The following CDH6 variants were observed in gnomAD, a reference collection of about 807,000 sequenced individuals.
CDH6 encodes the protein cadherin-6.
In CDH6, 31 loss-of-function variants were observed where a neutral mutation model predicts 78.0. That is an observed-to-expected ratio of 0.40 (90% CI 0.30 to 0.54). The LOEUF (loss-of-function observed/expected upper bound fraction) is 0.54, where lower values mean the gene tolerates loss of function less well. Among genes scored for constraint, CDH6 ranks in the 20% least tolerant of loss-of-function variants. The pLI is 0.56. For missense variants in CDH6, 724 were observed against 975.9 expected (o/e 0.74, Z 3.44); for synonymous variants, 376 against 368.8 (o/e 1.02, Z -0.23).
intron 3 of CDH6, 57 bp from the exon 4 acceptor site, chr5:31,297,232 G>T: frequency 1.3e-6 from 2 of 1,502,608 alleles, no homozygotes; most frequent in Non-Finnish European, 1.9e-6. Flanking sequence ...TTTGGTGTGT[G>T]TCAAAGATTG....
intron 7 of CDH6, among the ~76,000 whole-genome samples, chr5:31,308,592 C>T (rs1048414811): frequency 1.3e-5 from 2 of 152,004 alleles, no homozygotes; most frequent in East Asian, 1.9e-4. Context: ...AACAAACAAG[C>T]AAGGCTTGTG....
rs1738529704 is a variant in CDH6, at chr5:31,323,436, T to C, written c.*128T>C. On this transcript the variant is annotated 3_prime_UTR_variant, in exon 12 of 12. Coordinates refer to ENST00000265071, the MANE Select transcript of CDH6 (RefSeq NM_004932.4). Reference sequence around the variant, plus strand: ...TCCAAAAGCCAATGGCTGCAGTCCGTGTGGATCCAATGTTAGAGACTTTTT... The same window carrying C: ...TCCAAAAGCCAATGGCTGCAGTCCGCGTGGATCCAATGTTAGAGACTTTTT... The C allele has an allele frequency of 9.1e-7, 1 of 1,095,280 alleles. No individual in the cohort carries two copies. Among genetic ancestry groups the C allele is most frequent in the East Asian group, 2.4e-5 (1 of 41,216 alleles). The allele number at this position is 1,095,280 out of a possible 1,614,324, so 67.8% of individuals were successfully genotyped here.
At chr5:31,317,049 T>G (rs1051810201) in intron 9 of CDH6, among the ~76,000 whole-genome samples, 8 of 152,168 alleles carry the variant, frequency 5.3e-5, no homozygotes, top group Admixed American at 3.3e-4. Context: ...CAGGGTGATT[T>G]CCTCCCTGGG....
chr5:31,283,894 A>G (rs1742938253), intron 2 of CDH6, among the ~76,000 whole-genome samples: 1 of 151,804 alleles, frequency 6.6e-6, no homozygotes, highest in Admixed American at 6.6e-5. Flanking sequence ...AGTTCACTGC[A>G]ACCTCCGCCT....
At chr5:31,248,621 A>T (rs1741822829) in intron 1 of CDH6, among the ~76,000 whole-genome samples, 1 of 152,194 alleles carries the variant, frequency 6.6e-6, no homozygotes, top group African/African-American at 2.4e-5. Flanking sequence ...GGTGGCTAAC[A>T]AGTTGTACTG....
intron 2 of CDH6, among the ~76,000 whole-genome samples, chr5:31,282,567 G>T (rs758726276): frequency 1.3e-5 from 2 of 152,144 alleles, no homozygotes; most frequent in Non-Finnish European, 2.9e-5. Context: ...TTGATCACAT[G>T]TGTAAAGTTC....
intron 2 of CDH6, among the ~76,000 whole-genome samples, chr5:31,284,789 C>T (rs895557241): frequency 2.0e-5 from 3 of 152,200 alleles, no homozygotes; most frequent in African/African-American, 7.2e-5. Context: ...GAGATATTCT[C>T]TAGAGACCAG....
chr5:31,239,123 T>C (rs72749661), intron 1 of CDH6, among the ~76,000 whole-genome samples: 3,198 of 152,282 alleles, frequency 0.021, 41 homozygotes, highest in Middle Eastern at 0.034. Flanking sequence ...GGGCATCATA[T>C]GGTAGATACA....
In CDH6 at chr5:31,317,932, G is replaced by C. The variant is rs750611604; in HGVS notation, c.1882+8G>C. ...GCATCGTGATCCTACTAGGTAAACT[G>C]GTTCTCCCTGCCTCCTATCTCCCCA... On this transcript the variant is annotated splice_region_variant and intron_variant, in intron 11 of 11. Coordinates refer to ENST00000265071, the MANE Select transcript of CDH6 (RefSeq NM_004932.4). 6.2e-7 allele frequency: 1 copy of C among 1,611,250 alleles called. No homozygotes were observed. The highest frequency in any genetic ancestry group is 2.2e-5 in the East Asian group (1 of 44,864).
At chr5:31,230,353 G>A (rs1008218109) in intron 1 of CDH6, among the ~76,000 whole-genome samples, 1 of 152,146 alleles carries the variant, frequency 6.6e-6, no homozygotes, top group Admixed American at 6.5e-5. Context: ...ACCATCACAG[G>A]CAGAGAATAT....
At chr5:31,302,391 T>C in intron 6 of CDH6, 93 bp downstream of exon 6, 3 of 902,256 alleles carry the variant, frequency 3.3e-6, no homozygotes, top group Non-Finnish European at 5.0e-6. Flanking sequence ...CACATAAACA[T>C]TCCTTTAGAT....
chr5:31,296,375 G>A (rs974090929), intron 3 of CDH6, among the ~76,000 whole-genome samples: 2 of 152,156 alleles, frequency 1.3e-5, no homozygotes, highest in Admixed American at 6.5e-5. Context: ...GAAAATTTAT[G>A]TGGAATTTCA....
intron 1 of CDH6, among the ~76,000 whole-genome samples, chr5:31,228,794 T>A (rs1335340288): frequency 6.6e-6 from 1 of 152,222 alleles, no homozygotes; most frequent in Non-Finnish European, 1.5e-5. Context: ...CTGGTTCACC[T>A]GCCACTCACC....
intron 1 of CDH6, among the ~76,000 whole-genome samples, chr5:31,267,061 G>C (rs934089698): frequency 6.6e-6 from 1 of 152,156 alleles, no homozygotes; most frequent in African/African-American, 2.4e-5. Flanking sequence ...AGGTAAAAGA[G>C]TAGCGCAATA....
At chr5:31,210,076 T>TTGTG (rs60543109) in intron 1 of CDH6, among the ~76,000 whole-genome samples, 89,627 of 146,406 alleles carry the variant, frequency 0.61, 29,053 homozygotes, top group Non-Finnish European at 0.73. Flanking sequence ...TTTTCTTAAA[T>TTGTG]TGTGTGTGTG....
chr5:31,261,630 C>A (rs1742214960), intron 1 of CDH6, among the ~76,000 whole-genome samples: 1 of 152,124 alleles, frequency 6.6e-6, no homozygotes, highest in African/African-American at 2.4e-5. Flanking sequence ...GCTTTCAATG[C>A]CAAAGTTAAG....
intron 1 of CDH6, among the ~76,000 whole-genome samples, chr5:31,214,833 G>C (rs144713927): frequency 4.6e-5 from 7 of 152,236 alleles, no homozygotes; most frequent in East Asian, 3.9e-4. Flanking sequence ...GATGTAAAAA[G>C]CTTCACAATT....
intron 2 of CDH6, among the ~76,000 whole-genome samples, chr5:31,285,855 T>A (rs1230893090): frequency 1.3e-5 from 2 of 152,314 alleles, no homozygotes; most frequent in East Asian, 3.9e-4. Flanking sequence ...GAAGTTGAAT[T>A]TGTTATTAAA....
At chr5:31,316,083 C>A in intron 8 of CDH6, 125 bp from the exon 9 acceptor site, 2 of 989,798 alleles carry the variant, frequency 2.0e-6, no homozygotes, top group East Asian at 2.6e-5. Flanking sequence ...TACTTAATGC[C>A]CAGTAGTACA....
Sources: gnomAD v4.1 joint callset for allele counts (sites outside exome capture counted in the v4.1 genomes callset) on GRCh38, gnomAD v4.1.1 for gene constraint, MANE v1.5 for transcripts, NCBI Gene and HGNC (gene_info 2026-07-23, HGNC 2026-07-21) for gene names.